AVEN: variants seen among roughly 807,000 people sequenced by gnomAD.
The protein encoded by AVEN is apoptosis and caspase activation inhibitor, also known as cell death regulator Aven.
AVEN carries 41 observed loss-of-function variants against 38.1 expected under a neutral mutation model. The observed-to-expected ratio is 1.08, with a 90% CI of 0.84 to 1.40. The LOEUF (loss-of-function observed/expected upper bound fraction) is 1.40. Among genes scored for constraint, AVEN ranks in the 40% most tolerant of loss-of-function variants. The pLI, the probability that AVEN is intolerant of heterozygous loss-of-function variation, is 0.00. For synonymous variants in AVEN, 206 were observed against 171.8 expected (o/e 1.20, Z -1.56); for missense variants, 605 against 438.8 (o/e 1.38, Z -3.38).
chr15:33,865,069 A>T (rs975301039), downstream of AVEN: 2 of 1,355,308 alleles, frequency 1.5e-6, no homozygotes, highest in East Asian at 2.3e-5. Flanking sequence ...GAACAAAAAC[A>T]AACTGGGTTT....
At chr15:34,043,430 G>A (rs911733340), upstream of AVEN, among the ~76,000 whole-genome samples, 6 of 152,040 alleles carry the variant, frequency 3.9e-5, no homozygotes, top group African/African-American at 7.2e-5. Context: ...CTAGTTTCTC[G>A]TGCTTAATAT....
At chr15:33,914,160 A>ACCC (rs35840258) in intron 2 of AVEN, among the ~76,000 whole-genome samples, 31 of 150,966 alleles carry the variant, frequency 2.1e-4, no homozygotes, top group African/African-American at 7.1e-4. Context: ...ATTTAATATA[A>ACCC]CCCCCCCCCA....
At chr15:34,025,194 G>A (rs1293332834) in intron 1 of AVEN, among the ~76,000 whole-genome samples, 2 of 152,132 alleles carry the variant, frequency 1.3e-5, no homozygotes, top group East Asian at 1.9e-4. Flanking sequence ...CATTTGAGGT[G>A]AGCATGTGAA....
At chr15:33,991,720 A>G (rs1251539580) in intron 2 of AVEN, 2 of 152,198 alleles carry the variant, frequency 1.3e-5, no homozygotes, top group Non-Finnish European at 2.9e-5. Context: ...AACACTAAAT[A>G]AAGCAGAAGC....
intron 2 of AVEN, among the ~76,000 whole-genome samples, chr15:33,975,685 A>T (rs571568569): frequency 1.7e-3 from 260 of 152,350 alleles, no homozygotes; most frequent in African/African-American, 5.6e-3. Context: ...TAATCCCAGC[A>T]CTTTGGGAGG....
chr15:33,931,197 A>G (rs78243541), intron 2 of AVEN, among the ~76,000 whole-genome samples: 6,392 of 152,172 alleles, frequency 0.042, 299 homozygotes, highest in African/African-American at 0.12. Context: ...TAAGAAAGGC[A>G]GCTTTCAATA....
At position 33,870,919 on chromosome 15, in the gene AVEN, G is replaced by C. The variant is rs112925793; in HGVS notation, c.612+16C>G. ...GCCCTAATCCACCCGCTTCAAGAGGGCTTCGGGATTTTTACCTGGACCAGT... is the reference window on the plus strand; with the variant it reads ...GCCCTAATCCACCCGCTTCAAGAGGCCTTCGGGATTTTTACCTGGACCAGT... On this transcript the variant is annotated intron_variant, in intron 4 of 5. Transcript: ENST00000306730. 5.5e-3 allele frequency: 8,818 copies of C among 1,601,224 alleles called. 174 individuals are homozygous for C. The African/African-American group carries it at 0.063, about 12-fold the overall frequency.
At position 34,038,781 on chromosome 15, in the gene AVEN, G is replaced by T. The variant is rs1367441225; in HGVS notation, c.266C>A (p.Pro89Gln). 2.6e-6 allele frequency: 3 copies of T among 1,176,116 alleles called. No homozygotes were observed. The highest frequency in any genetic ancestry group is 3.1e-6 in the Non-Finnish European group (3 of 953,696). The allele number at this position is 1,176,116 out of a possible 1,614,324, so 72.9% of individuals were successfully genotyped here. Residue 89 changes from proline to glutamine, a missense_variant and splice_region_variant, in exon 1 of 6, where the codon CCG (proline) becomes CAG (glutamine). By Grantham distance (76) the Pro-to-Gln change is moderately conservative. Coordinates refer to ENST00000306730, the MANE Select transcript of AVEN (RefSeq NM_020371.3). ...GCCCCACCAGCCGTCGCCTCTTACC[G>T]GCGCGCTGGCCCCTGCGCCCCAGCC... Reference protein sequence around the residue: ...PGGWGAGASAPVEDDSDAETY... With the variant: ...PGGWGAGASAQVEDDSDAETY...
intron 2 of AVEN, among the ~76,000 whole-genome samples, chr15:33,959,792 T>C (rs976547714): frequency 1.3e-5 from 2 of 152,142 alleles, no homozygotes; most frequent in Non-Finnish European, 2.9e-5. Flanking sequence ...GAAAGACATA[T>C]AAACCAATTT....
chr15:34,003,001 T>A, intron 2 of AVEN, 31 bp downstream of exon 2: 1 of 1,575,570 alleles, frequency 6.3e-7, no homozygotes, highest in African/African-American at 1.4e-5. Context: ...TTCAGAGCAC[T>A]AAACAGTATG....
At chr15:33,964,214 C>T (rs546510528) in intron 2 of AVEN, among the ~76,000 whole-genome samples, 170 of 152,244 alleles carry the variant, frequency 1.1e-3, no homozygotes, top group African/African-American at 3.9e-3. Flanking sequence ...AATCTCCCCC[C>T]GAACGTATCT....
chr15:33,896,802 G>A (rs78567147), intron 2 of AVEN, among the ~76,000 whole-genome samples: 1 of 152,194 alleles, frequency 6.6e-6, no homozygotes, highest in Non-Finnish European at 1.5e-5. Context: ...TTCCTCCTCT[G>A]TACTCCTATA....
At chr15:33,931,344 ATTTTCTTTTTTTTTTT>A (rs1238628025) in intron 2 of AVEN, among the ~76,000 whole-genome samples, 1 of 100,152 alleles carries the variant, frequency 1.0e-5, no homozygotes, top group African/African-American at 4.3e-5. Flanking sequence ...TATGCTGAAT[ATTTTCTTTTTTTTTTT>A]TTTTTTTTTT....
intron 2 of AVEN, among the ~76,000 whole-genome samples, chr15:33,906,329 C>T (rs1029406889): frequency 2.0e-5 from 3 of 152,184 alleles, no homozygotes; most frequent in African/African-American, 7.2e-5. Context: ...GGTTCAACCA[C>T]CTAGTTTTAG....
intron 5 of AVEN, chr15:34,062,537 A>T (rs1371341442): frequency 8.4e-6 from 5 of 595,582 alleles, no homozygotes; most frequent in African/African-American, 5.8e-5. Context: ...CCTGGGTGAC[A>T]AAGCGAGATT....
At chr15:33,924,388 A>T (rs1191997085) in intron 2 of AVEN, among the ~76,000 whole-genome samples, 1 of 151,332 alleles carries the variant, frequency 6.6e-6, no homozygotes, top group African/African-American at 2.4e-5. Flanking sequence ...AAAAATTATT[A>T]TTTTTTTCCT....
At chr15:33,906,969 A>C (rs1050917362) in intron 2 of AVEN, among the ~76,000 whole-genome samples, 1 of 152,164 alleles carries the variant, frequency 6.6e-6, no homozygotes, top group African/African-American at 2.4e-5. Flanking sequence ...GGGGGTGTAC[A>C]CAAATTGGTT....
chr15:33,931,418 T>A (rs1893844724), intron 2 of AVEN, among the ~76,000 whole-genome samples: 1 of 125,002 alleles, frequency 8.0e-6, no homozygotes. Flanking sequence ...TCACCCGGGC[T>A]GGAGTGCAGT....
At chr15:33,984,546 G>A (rs1338129532) in intron 2 of AVEN, among the ~76,000 whole-genome samples, 3 of 151,984 alleles carry the variant, frequency 2.0e-5, no homozygotes, top group African/African-American at 7.2e-5. Context: ...CAGATTACAG[G>A]CATGCTCCAT....
Sources: gnomAD v4.1 joint callset for allele counts (sites outside exome capture counted in the v4.1 genomes callset) on GRCh38, gnomAD v4.1.1 for gene constraint, MANE v1.5 for transcripts, NCBI Gene and HGNC (gene_info 2026-07-23, HGNC 2026-07-21) for gene names.